Variants in SPIDR observed in about 807,000 individuals in gnomAD.
SPIDR encodes the protein scaffold protein involved in DNA repair, also known as DNA repair-scaffolding protein.
SPIDR carries 93 observed loss-of-function variants against 104.6 expected under a neutral mutation model. The ratio of observed to expected loss-of-function variants is 0.89; its 90% CI spans 0.75 to 1.06. SPIDR has a LOEUF of 1.06. Among genes scored for constraint, SPIDR ranks in the 50% least tolerant of loss-of-function variants. The probability of loss-of-function intolerance (pLI) is 0.00; values close to 1 mark genes in which losing one functional copy is unlikely to be tolerated. For synonymous variants in SPIDR, 431 were observed against 416.9 expected (o/e 1.03, Z -0.41); for missense variants, 1,154 against 1,111.2 (o/e 1.04, Z -0.55).
intron 8 of SPIDR, among the ~76,000 whole-genome samples, chr8:47,582,250 G>T (rs2059785582): frequency 6.6e-6 from 1 of 150,412 alleles, no homozygotes; most frequent in Admixed American, 6.6e-5. Flanking sequence ...TGTTTTTTAA[G>T]GTAGTTATAG....
chr8:47,311,104 C>T, intron 5 of SPIDR, among the ~76,000 whole-genome samples: 1 of 152,036 alleles, frequency 6.6e-6, no homozygotes, highest in Non-Finnish European at 1.5e-5. Context: ...GATAAGAAAC[C>T]TCAGCTGAAA....
At chr8:47,371,767 CAT>C (rs1173077906) in intron 5 of SPIDR, among the ~76,000 whole-genome samples, 2 of 152,178 alleles carry the variant, frequency 1.3e-5, no homozygotes, top group African/African-American at 4.8e-5. Context: ...GCCTCTGTCA[CAT>C]AGTGCATTGC....
At chr8:47,674,050 C>A in intron 11 of SPIDR, 109 bp downstream of exon 11, 1 of 1,379,254 alleles carries the variant, frequency 7.3e-7, no homozygotes, top group Non-Finnish European at 9.6e-7. Context: ...AACCAGGATC[C>A]TAGAGTTTGC....
At chr8:47,529,999 A>T (rs2085677620) in intron 8 of SPIDR, among the ~76,000 whole-genome samples, 1 of 152,210 alleles carries the variant, frequency 6.6e-6, no homozygotes, top group African/African-American at 2.4e-5. Context: ...ATGCATTATT[A>T]GGTGATTTCA....
At chr8:47,347,732 G>A (rs1222048266) in intron 5 of SPIDR, among the ~76,000 whole-genome samples, 1 of 152,000 alleles carries the variant, frequency 6.6e-6, no homozygotes, top group South Asian at 2.1e-4. Context: ...GATCTTTGTT[G>A]GTTTAAAGTC....
intron 5 of SPIDR, among the ~76,000 whole-genome samples, chr8:47,319,102 C>T (rs570421408): frequency 6.6e-6 from 1 of 152,132 alleles, no homozygotes; most frequent in African/African-American, 2.4e-5. Flanking sequence ...CAATATTAAC[C>T]TTAAATGTAA....
rs2086171865 is a variant in SPIDR, at chr8:47,735,601, G to C, written c.*151G>C. On this transcript the variant is annotated 3_prime_UTR_variant, in exon 20 of 20. Transcript: ENST00000297423. ...TTAGATTTTTCTGGGGAAATGTTCA[G>C]ATACAGTTTTGTGAACTGTAAATCA... 1 of 1,460,164 alleles carries C rather than the reference G, an allele frequency of 6.8e-7. No homozygotes were observed. Among genetic ancestry groups the C allele is most frequent in the Non-Finnish European group, 9.2e-7 (1 of 1,089,684 alleles). The allele number at this position is 1,460,164 out of a possible 1,614,324, so 90.5% of individuals were successfully genotyped here. A position where few individuals can be genotyped will look rare whatever the true frequency, so the allele number is the denominator to read the frequency against.
chr8:47,324,705 C>T (rs1263765889), intron 5 of SPIDR, among the ~76,000 whole-genome samples: 1 of 152,158 alleles, frequency 6.6e-6, no homozygotes, highest in Non-Finnish European at 1.5e-5. Context: ...TCACCAATTA[C>T]TTGGAAGAGG....
At chr8:47,613,036 A>T (rs775050063) in intron 10 of SPIDR, among the ~76,000 whole-genome samples, 2 of 152,346 alleles carry the variant, frequency 1.3e-5, no homozygotes, top group Admixed American at 1.3e-4. Flanking sequence ...TGGCCATTTT[A>T]AAGTATGTAA....
intron 8 of SPIDR, among the ~76,000 whole-genome samples, chr8:47,486,013 G>A (rs2077555358): frequency 6.6e-6 from 1 of 152,206 alleles, no homozygotes; most frequent in South Asian, 2.1e-4. Context: ...TGACGACTTT[G>A]ACGAGTTGAG....
intron 10 of SPIDR, among the ~76,000 whole-genome samples, chr8:47,608,363 G>A (rs922698371): frequency 3.3e-5 from 5 of 152,122 alleles, no homozygotes; most frequent in African/African-American, 1.2e-4. Context: ...CATCTGAGTT[G>A]TTTCCACTTT....
intron 10 of SPIDR, among the ~76,000 whole-genome samples, chr8:47,641,901 A>G (rs117294712): frequency 6.1e-4 from 93 of 152,312 alleles, no homozygotes; most frequent in Non-Finnish European, 1.1e-3. Context: ...GAGGAAAGAA[A>G]GCCAGCACTC....
intron 5 of SPIDR, among the ~76,000 whole-genome samples, chr8:47,389,389 G>A (rs1249873213): frequency 6.6e-6 from 1 of 151,976 alleles, no homozygotes; most frequent in Non-Finnish European, 1.5e-5. Flanking sequence ...GGATGATTTG[G>A]TAAAGGATAA....
At position 47,729,453 on chromosome 8, in the gene SPIDR, C is replaced by A. The variant is rs767871761; in HGVS notation, c.2592C>A (p.Ala864=). The A allele has an allele frequency of 3.8e-6, 6 of 1,597,906 alleles. No homozygotes were observed. Among genetic ancestry groups the A allele is most frequent in the Non-Finnish European group, 4.3e-6 (5 of 1,173,248 alleles). The change falls in exon 19 of 20, where the codon GCC becomes GCA. Residue 864 remains alanine (A), a synonymous_variant. Transcript: ENST00000297423. The part of the protein sequence containing the change: ...RSISSLLRFA[A]GEDGSYEVKS... ...TTTCCTCCCTGCTGAGGTTTGCCGC[C>A]GGTGAAGATGGGGTAAGTGCAGGGG...
At position 47,439,526 on chromosome 8, in the gene SPIDR, A is replaced by T. The variant is rs1294650911; in HGVS notation, c.878-797A>T. 2.0e-5 allele frequency among the ~76,000 whole-genome samples: 3 copies of T among 152,166 alleles called. No homozygotes were observed. In the East Asian group the frequency reaches 5.8e-4, roughly 29 times the overall value. ...CATCTTTCTGATTTATGCTGGGTGC[A>T]GTTTTCTACTCTTATAAACAACGCT... On this transcript the variant is annotated intron_variant, in intron 7 of 19. Transcript: ENST00000297423.
chr8:47,549,232 G>A (rs1483287458), intron 8 of SPIDR, among the ~76,000 whole-genome samples: 1 of 152,170 alleles, frequency 6.6e-6, no homozygotes, highest in Non-Finnish European at 1.5e-5. Context: ...ATAAACATAT[G>A]TGTGCATGTG....
intron 8 of SPIDR, among the ~76,000 whole-genome samples, chr8:47,444,499 G>T (rs79794978): frequency 0.02 from 3,094 of 152,216 alleles, 64 homozygotes; most frequent in Non-Finnish European, 0.025. Flanking sequence ...CCCTTCCATC[G>T]GTCCATTCAT....
At chr8:47,676,628 G>A (rs2076486529) in intron 11 of SPIDR, among the ~76,000 whole-genome samples, 1 of 151,968 alleles carries the variant, frequency 6.6e-6, no homozygotes. Flanking sequence ...AAGCTAAAAT[G>A]ATTAATTTTA....
intron 7 of SPIDR, among the ~76,000 whole-genome samples, chr8:47,420,590 A>C (rs1408808415): frequency 6.6e-6 from 1 of 152,172 alleles, no homozygotes; most frequent in Admixed American, 6.5e-5. Flanking sequence ...TGTGTCTTTT[A>C]ATTGGCACAT....
Sources: allele counts gnomAD v4.1 joint callset (sites outside exome capture counted in the v4.1 genomes callset), GRCh38; gene constraint gnomAD v4.1.1; transcripts MANE v1.5; gene names NCBI Gene and HGNC (gene_info 2026-07-23, HGNC 2026-07-21).